The following SCN9A variants were observed in gnomAD, a reference collection of about 807,000 sequenced individuals.
The protein encoded by SCN9A is sodium voltage-gated channel alpha subunit 9, also known as sodium channel protein type 9 subunit alpha.
In SCN9A, 131 loss-of-function variants were observed where a neutral mutation model predicts 187.0. That is an observed-to-expected ratio of 0.70 (90% CI 0.61 to 0.81). The LOEUF (loss-of-function observed/expected upper bound fraction) is 0.81, where lower values mean the gene tolerates loss of function less well. Ranked by LOEUF, SCN9A falls within the 30% of genes least tolerant of loss-of-function variation. The probability of loss-of-function intolerance (pLI) is 0.00; values close to 1 mark genes in which losing one functional copy is unlikely to be tolerated. For synonymous variants in SCN9A, 809 were observed against 808.6 expected (o/e 1.00, Z -0.01); for missense variants, 2,252 against 2,396.6 (o/e 0.94, Z 1.26).
chr2:166,237,026 T>C (rs1695347837), intron 20 of SCN9A, among the ~76,000 whole-genome samples: 2 of 152,144 alleles, frequency 1.3e-5, no homozygotes, highest in Non-Finnish European at 2.9e-5. Flanking sequence ...ATAGGATGTT[T>C]CTTCCCTAAA....
chr2:166,209,002 T>C (rs1693951942), intron 24 of SCN9A, among the ~76,000 whole-genome samples: 1 of 152,174 alleles, frequency 6.6e-6, no homozygotes, highest in Admixed American at 6.5e-5. Context: ...TAGGGTCCAG[T>C]TTCACTCTTG....
intron 7 of SCN9A, among the ~76,000 whole-genome samples, chr2:166,297,222 A>AAAAAAAAAAAAAAAAAAAAAAC (rs1698353316): frequency 1.4e-5 from 2 of 139,776 alleles, no homozygotes; most frequent in Non-Finnish European, 1.6e-5. Flanking sequence ...AAAAAAAAAA[A>AAAAAAAAAAAAAAAAAAAAAAC]AAAAAGAACC....
chr2:166,333,191 A>G (rs565809092), intron 1 of SCN9A, among the ~76,000 whole-genome samples: 1 of 152,042 alleles, frequency 6.6e-6, no homozygotes, highest in Non-Finnish European at 1.5e-5. Flanking sequence ...AATTTGAATT[A>G]TTTATCATTG....
chr2:166,302,945 C>T (rs1458627319), intron 7 of SCN9A, 145 bp downstream of exon 7: 2 of 663,986 alleles, frequency 3.0e-6, no homozygotes, highest in African/African-American at 1.8e-5. Flanking sequence ...TCATATATAA[C>T]ATGACCCAAA....
At chr2:166,369,793 A>G (rs1167771147) in intron 1 of SCN9A, among the ~76,000 whole-genome samples, 1 of 152,198 alleles carries the variant, frequency 6.6e-6, no homozygotes, top group East Asian at 1.9e-4. Flanking sequence ...TTAGACTTGA[A>G]AGAATAGTCA....
intron 24 of SCN9A, among the ~76,000 whole-genome samples, chr2:166,220,639 C>G (rs1020386786): frequency 2.0e-5 from 3 of 152,072 alleles, no homozygotes; most frequent in African/African-American, 4.8e-5. Flanking sequence ...TATAGTAGCA[C>G]AAATGGATGA....
intron 1 of SCN9A, among the ~76,000 whole-genome samples, chr2:166,337,901 A>T (rs1267197484): frequency 2.0e-5 from 3 of 152,288 alleles, no homozygotes; most frequent in Non-Finnish European, 2.9e-5. Context: ...AACTCAATAC[A>T]TACCTCTATT....
Position 166,281,439 on chromosome 2 carries a change from A to G in SCN9A, c.2104+240T>C, listed in dbSNP as rs538206916. Among the ~76,000 whole-genome samples the G allele has an allele frequency of 5.9e-5, 9 of 152,074 alleles. No individual in the cohort carries two copies. The East Asian group carries it at 9.7e-4, about 16-fold the overall frequency. On this transcript the variant is annotated intron_variant, in intron 13 of 26. Coordinates refer to ENST00000642356, the MANE Select transcript of SCN9A (RefSeq NM_001365536.1). ...TGTCTTTGTGGGTTTTCTTTTTTTC[A>G]TTTTGCAAAGTCATTTTTGCCATGT...
chr2:166,346,696 G>T (rs1310128607), intron 1 of SCN9A, among the ~76,000 whole-genome samples: 1 of 152,194 alleles, frequency 6.6e-6, no homozygotes, highest in Non-Finnish European at 1.5e-5. Context: ...AAAGGAATTG[G>T]AAACTTACTA....
At chr2:166,224,393 G>A (rs1164541437) in intron 24 of SCN9A, among the ~76,000 whole-genome samples, 1 of 151,606 alleles carries the variant, frequency 6.6e-6, no homozygotes, top group Admixed American at 6.6e-5. Flanking sequence ...TTGTCTACTT[G>A]CAAATAGTCA....
intron 1 of SCN9A, among the ~76,000 whole-genome samples, chr2:166,341,320 T>C (rs1699780270): frequency 6.6e-6 from 1 of 152,228 alleles, no homozygotes; most frequent in Admixed American, 6.5e-5. Flanking sequence ...AAAGATTCCT[T>C]TCATTTTTCT....
intron 1 of SCN9A, among the ~76,000 whole-genome samples, chr2:166,370,960 G>A (rs1181791574): frequency 6.6e-6 from 1 of 152,162 alleles, no homozygotes; most frequent in Non-Finnish European, 1.5e-5. Flanking sequence ...GATTCAGAAA[G>A]CTTTGTAAAA....
chr2:166,331,667 A>C (rs1478359191), intron 1 of SCN9A, among the ~76,000 whole-genome samples: 1 of 152,198 alleles, frequency 6.6e-6, no homozygotes, highest in Admixed American at 6.5e-5. Flanking sequence ...AATTTATTTA[A>C]TAGTGCTATA....
intron 1 of SCN9A, among the ~76,000 whole-genome samples, chr2:166,360,124 G>A (rs1700242573): frequency 6.7e-6 from 1 of 149,750 alleles, no homozygotes; most frequent in African/African-American, 2.5e-5. Flanking sequence ...AGGAGGCTGA[G>A]GCAGGAGAAC....
chr2:166,279,829 GTAT>G (rs1697398369), intron 14 of SCN9A, among the ~76,000 whole-genome samples: 2 of 151,712 alleles, frequency 1.3e-5, no homozygotes, highest in East Asian at 1.9e-4. Flanking sequence ...TTATAATGAA[GTAT>G]TATTTTATAA....
intron 18 of SCN9A, 129 bp downstream of exon 18, chr2:166,251,636 G>T: frequency 2.1e-6 from 2 of 948,388 alleles, no homozygotes; most frequent in Non-Finnish European, 3.2e-6. Flanking sequence ...TCATCATACA[G>T]CTATAGCTGA....
intron 20 of SCN9A, among the ~76,000 whole-genome samples, chr2:166,234,055 G>C (rs1177486480): frequency 6.6e-6 from 1 of 152,132 alleles, no homozygotes; most frequent in Non-Finnish European, 1.5e-5. Flanking sequence ...GAGAGAATGA[G>C]AGTAGCTGAT....
chr2:166,270,087 G>C (rs1696909107), intron 17 of SCN9A, among the ~76,000 whole-genome samples: 1 of 151,900 alleles, frequency 6.6e-6, no homozygotes, highest in Non-Finnish European at 1.5e-5. Flanking sequence ...AAAATTTTGG[G>C]AGTATTACTT....
chr2:166,306,878 A>T, intron 3 of SCN9A, 78 bp downstream of exon 3: 1 of 777,576 alleles, frequency 1.3e-6, no homozygotes, highest in Non-Finnish European at 2.1e-6. Flanking sequence ...TGCAAAAGGT[A>T]TAACATCTAT....
Sources: gnomAD v4.1 joint callset for allele counts (sites outside exome capture counted in the v4.1 genomes callset) on GRCh38, gnomAD v4.1.1 for gene constraint, MANE v1.5 for transcripts, NCBI Gene and HGNC (gene_info 2026-07-23, HGNC 2026-07-21) for gene names.